The following JADE3 variants were observed in gnomAD, a reference collection of about 807,000 sequenced individuals.
JADE3 encodes protein Jade-3.
A neutral mutation model predicts 50.1 loss-of-function variants in JADE3; 2 were observed. That is an observed-to-expected ratio of 0.04 (90% CI 0.02 to 0.13). The LOEUF (loss-of-function observed/expected upper bound fraction) is 0.13, where lower values mean the gene tolerates loss of function less well. JADE3 is among the 10% of genes least tolerant of loss of function. The pLI is 1.00. For missense variants in JADE3, 475 were observed against 634.4 expected (o/e 0.75, Z 2.70); for synonymous variants, 218 against 232.9 (o/e 0.94, Z 0.58).
intron 1 of JADE3, among the ~76,000 whole-genome samples, chrX:46,966,372 T>G (rs148241679): frequency 3.6e-5 from 4 of 111,711 alleles, no homozygotes; most frequent in Middle Eastern, 4.7e-3. Flanking sequence ...CCTCCTACCT[T>G]CCTGTCTCTT....
chrX:47,048,134 C>T (rs1380409263), intron 8 of JADE3, among the ~76,000 whole-genome samples: 1 of 111,612 alleles, frequency 9.0e-6, no homozygotes, highest in Non-Finnish European at 1.9e-5. Flanking sequence ...TGTTACTCTC[C>T]AGTCCCTCCA....
chrX:47,052,380 C>T (rs1411593028), intron 8 of JADE3, among the ~76,000 whole-genome samples: 9 of 109,782 alleles, frequency 8.2e-5, no homozygotes, highest in African/African-American at 2.7e-4. Context: ...ACCTGTAATC[C>T]CAGCACTTTG....
chrX:46,947,338 C>G (rs1407353812), intron 1 of JADE3, among the ~76,000 whole-genome samples: 1 of 111,454 alleles, frequency 9.0e-6, no homozygotes, highest in Non-Finnish European at 1.9e-5. Context: ...TTTTCTGAAA[C>G]TGCGGTGTTC....
At chrX:46,933,640 A>G (rs1926543609) in intron 1 of JADE3, among the ~76,000 whole-genome samples, 1 of 111,975 alleles carries the variant, frequency 8.9e-6, no homozygotes, top group South Asian at 3.7e-4. Flanking sequence ...TCCTCTGCAG[A>G]GGAAGTGTGA....
chrX:46,947,597 A>G (rs984085578), intron 1 of JADE3, among the ~76,000 whole-genome samples: 1 of 111,824 alleles, frequency 8.9e-6, no homozygotes, highest in Admixed American at 9.5e-5. Context: ...TTTTGTATCC[A>G]TGCCATTCCC....
At chrX:47,048,827 G>A (rs1929434608) in intron 8 of JADE3, among the ~76,000 whole-genome samples, 1 of 111,232 alleles carries the variant, frequency 9.0e-6, no homozygotes, top group Non-Finnish European at 1.9e-5. Context: ...GAACTTTATG[G>A]TATATAAAAT....
chrX:46,998,682 ATTTG>A (rs781855188), intron 4 of JADE3, among the ~76,000 whole-genome samples: 47 of 109,625 alleles, frequency 4.3e-4, no homozygotes, highest in Admixed American at 1.6e-3. Context: ...TTATTTATTT[ATTTG>A]TTTGTTTGTT....
At chrX:46,972,353 G>A (rs1297811169) in intron 1 of JADE3, among the ~76,000 whole-genome samples, 3 of 110,106 alleles carry the variant, frequency 2.7e-5, no homozygotes, top group Non-Finnish European at 5.7e-5. Flanking sequence ...TCACCACCAC[G>A]CCTGGCTAAT....
intron 1 of JADE3, among the ~76,000 whole-genome samples, chrX:46,926,077 A>ATTTTATTTT (rs1569534084): frequency 5.0e-5 from 5 of 100,498 alleles, no homozygotes; most frequent in African/African-American, 1.8e-4. Flanking sequence ...ATTTTATTTT[A>ATTTTATTTT]AGAGATGGGA....
At chrX:47,010,246 G>A (rs782136559) in intron 4 of JADE3, among the ~76,000 whole-genome samples, 65 of 109,939 alleles carry the variant, frequency 5.9e-4, no homozygotes, top group African/African-American at 2.1e-3. Flanking sequence ...TATTTATTTT[G>A]AGACGGAGTT....
At chrX:46,917,242 G>A (rs1359923639) in intron 1 of JADE3, among the ~76,000 whole-genome samples, 2 of 108,014 alleles carry the variant, frequency 1.9e-5, no homozygotes, top group Admixed American at 2.0e-4. Flanking sequence ...TGGTGGGGGC[G>A]GGTGGGGGTG....
intron 1 of JADE3, among the ~76,000 whole-genome samples, chrX:46,917,765 TTCTCTCTC>T (rs781969667): frequency 1.1e-5 from 1 of 90,280 alleles, no homozygotes; most frequent in Non-Finnish European, 2.2e-5. Context: ...AGGTGTTTCT[TTCTCTCTC>T]TCTCTCTCTC....
rs781867114 is a variant in JADE3, at chrX:47,028,004, G to A, written c.588G>A (p.Glu196=). Residue 196 remains glutamate (E), a synonymous_variant, in exon 6 of 11, where the codon GAG becomes GAA. Transcript: ENST00000614628. The stretch of plus-strand genomic sequence containing the variant: ...AGACAGAGGAAGGGCTAGGCATAGA[G>A]TATGATGAAGATGTGATCTGTGATG... ...AIETEEGLGI[E]YDEDVICDVC... 8.3e-7 allele frequency: 1 copy of A among 1,207,505 alleles called. No individual in the cohort carries two copies. Among genetic ancestry groups the A allele is most frequent in the Non-Finnish European group, 1.1e-6 (1 of 891,756 alleles).
intron 1 of JADE3, among the ~76,000 whole-genome samples, chrX:46,959,838 G>A (rs1451129116): frequency 9.1e-6 from 1 of 109,723 alleles, no homozygotes; most frequent in South Asian, 4.1e-4. Flanking sequence ...AATTAGGTTG[G>A]CACCACCTCT....
intron 1 of JADE3, among the ~76,000 whole-genome samples, chrX:46,926,795 G>A (rs1556339021): frequency 1.8e-5 from 2 of 112,165 alleles, no homozygotes. Context: ...CTCTCTCAGG[G>A]TAATGCTTTT....
chrX:47,059,105 T>G lies in JADE3; in HGVS notation c.*28T>G. On this transcript the variant is annotated 3_prime_UTR_variant, in exon 11 of 11. Coordinates refer to ENST00000614628, the MANE Select transcript of JADE3 (RefSeq NM_014735.5). The stretch of plus-strand genomic sequence containing the variant: ...AGAAACTTCCAAGGATGACCCAACC[T>G]TTGCCTTTGCCCCATATATTGGGGA... 1 of 1,087,496 alleles carries G rather than the reference T, an allele frequency of 9.2e-7. No homozygotes were observed. Among genetic ancestry groups the G allele is most frequent in the Non-Finnish European group, 1.2e-6 (1 of 813,304 alleles). The allele number at this position is 1,087,496 out of a possible 1,213,427, so 89.6% of individuals were successfully genotyped here. A position where few individuals can be genotyped will look rare whatever the true frequency, so the allele number is the denominator to read the frequency against.
intron 2 of JADE3, 96 bp downstream of exon 2, chrX:46,985,036 A>G (rs1396177597): frequency 8.6e-6 from 6 of 694,652 alleles, no homozygotes; most frequent in Non-Finnish European, 1.3e-5. Flanking sequence ...TGCTTTTTTC[A>G]ATGGTTGAAA....
chrX:46,964,367 T>C (rs1367064842), intron 1 of JADE3, among the ~76,000 whole-genome samples: 11 of 111,889 alleles, frequency 9.8e-5, no homozygotes, highest in Non-Finnish European at 2.1e-4. Context: ...GCAATCTGCC[T>C]TGTTCATTGG....
intron 1 of JADE3, among the ~76,000 whole-genome samples, chrX:46,981,924 T>G (rs1556353120): frequency 8.9e-6 from 1 of 111,740 alleles, no homozygotes; most frequent in African/African-American, 3.3e-5. Flanking sequence ...TCCTTGTCTT[T>G]GGCTTTCAGT....
Sources: allele counts gnomAD v4.1 joint callset (sites outside exome capture counted in the v4.1 genomes callset), GRCh38; gene constraint gnomAD v4.1.1; transcripts MANE v1.5; gene names NCBI Gene and HGNC (gene_info 2026-07-23, HGNC 2026-07-21).